Variants in BTD observed in about 807,000 individuals in gnomAD.
BTD encodes the protein biotinidase.
A neutral mutation model predicts 17.7 loss-of-function variants in BTD; 13 were observed. The ratio of observed to expected loss-of-function variants is 0.74; its 90% CI spans 0.48 to 1.17. The LOEUF is 1.17. Among genes scored for constraint, BTD ranks in the 50% most tolerant of loss-of-function variants. The pLI is 0.00. For synonymous variants in BTD, 240 were observed against 245.2 expected, an observed-to-expected ratio of 0.98 and a Z score of 0.20; for missense variants, 674 against 650.4, an observed-to-expected ratio of 1.04 and a Z score of -0.39.
At chr3:15,639,012 A>G (rs1357526519) in intron 2 of BTD, among the ~76,000 whole-genome samples, 1 of 152,200 alleles carries the variant, frequency 6.6e-6, no homozygotes, top group Non-Finnish European at 1.5e-5. Context: ...AGGGGCATTC[A>G]TAGGGGAAAA....
exon 4 of BTD, among the ~76,000 whole-genome samples, chr3:15,711,722 T>A (rs948425254): frequency 2.3e-4 from 35 of 152,054 alleles, no homozygotes; most frequent in Admixed American, 1.8e-3. Flanking sequence ...AGTCTCGCTC[T>A]GTCTCCTAGG....
intron 3 of BTD, chr3:15,707,942 G>A: frequency 6.2e-7 from 1 of 1,613,266 alleles, no homozygotes; most frequent in Non-Finnish European, 8.5e-7. Context: ...TGTGTCTGAT[G>A]TAGCTGCATA....
chr3:15,671,072 A>G (rs952867625), intron 3 of BTD, among the ~76,000 whole-genome samples: 1 of 152,268 alleles, frequency 6.6e-6, no homozygotes, highest in Non-Finnish European at 1.5e-5. Context: ...TATGTGTTGA[A>G]TGAATGACAC....
In BTD at chr3:15,653,248, T is replaced by C. The variant is rs1306140626; in HGVS notation, c.*7760T>C. Among the ~76,000 whole-genome samples, 1 of 152,254 alleles carries C rather than the reference T, an allele frequency of 6.6e-6. No individual in the cohort carries two copies. The highest frequency in any genetic ancestry group is 1.5e-5 in the Non-Finnish European group (1 of 68,044). ...TGTGTTTAACAAGTCCTCCAGGTGA[T>C]TCCGATCCTAATCAAGTGTGAGCCC... On this transcript the variant is annotated 3_prime_UTR_variant, in exon 4 of 4. Transcript: ENST00000643237.
chr3:15,677,647 C>A, intron 3 of BTD: 5 of 1,027,654 alleles, frequency 4.9e-6, no homozygotes, highest in Admixed American at 5.1e-5. Flanking sequence ...AATGAAGATA[C>A]AAAGCAAAAA....
At chr3:15,715,325 C>A (rs894215333), downstream of BTD, among the ~76,000 whole-genome samples, 3 of 152,218 alleles carry the variant, frequency 2.0e-5, no homozygotes, top group African/African-American at 7.2e-5. Context: ...GCTTCCTAAT[C>A]TCACAGCAAC....
chr3:15,710,834 G>C (rs983299439), exon 4 of BTD, among the ~76,000 whole-genome samples: 1 of 151,154 alleles, frequency 6.6e-6, no homozygotes, highest in African/African-American at 2.4e-5. Flanking sequence ...TTTTTTCCTG[G>C]GGGAAAAAAA....
At chr3:15,608,941 T>C (rs930786403) in intron 1 of BTD, among the ~76,000 whole-genome samples, 2 of 152,218 alleles carry the variant, frequency 1.3e-5, no homozygotes, top group African/African-American at 4.8e-5. Flanking sequence ...AGCCCTTTCC[T>C]TTAACTTTTT....
chr3:15,606,394 G>A (rs1190257192), intron 1 of BTD: 1 of 152,208 alleles, frequency 6.6e-6, no homozygotes, highest in African/African-American at 2.4e-5. Context: ...TTAAACATAT[G>A]ATTGCCTGTC....
At chr3:15,694,774 C>G in intron 3 of BTD, 1 of 1,613,512 alleles carries the variant, frequency 6.2e-7, no homozygotes, top group South Asian at 1.1e-5. Flanking sequence ...GCTCTATTAT[C>G]TGAATCACTC....
At chr3:15,621,982 G>A (rs2064963070) in intron 1 of BTD, among the ~76,000 whole-genome samples, 1 of 152,110 alleles carries the variant, frequency 6.6e-6, no homozygotes, top group Non-Finnish European at 1.5e-5. Flanking sequence ...TTCTTTCGGT[G>A]TCCATGGGAT....
At chr3:15,688,827 C>T (rs187821779) in intron 3 of BTD, among the ~76,000 whole-genome samples, 32 of 152,302 alleles carry the variant, frequency 2.1e-4, no homozygotes, top group Admixed American at 3.3e-4. Context: ...CATAATATCA[C>T]AATATGGAAT....
At chr3:15,691,344 C>T (rs1390692420) in intron 3 of BTD, among the ~76,000 whole-genome samples, 3 of 151,994 alleles carry the variant, frequency 2.0e-5, no homozygotes, top group African/African-American at 7.2e-5. Flanking sequence ...AGGATGGTCT[C>T]GATCTCTTGA....
intron 1 of BTD, chr3:15,631,442 T>C: frequency 1.3e-6 from 2 of 1,534,734 alleles, no homozygotes; most frequent in East Asian, 4.9e-5. Context: ...ACTATTGTAA[T>C]AGCATGGCTA....
downstream of BTD, among the ~76,000 whole-genome samples, chr3:15,716,282 T>C (rs933314837): frequency 1.3e-4 from 16 of 122,994 alleles, no homozygotes; most frequent in South Asian, 3.1e-3. Flanking sequence ...GCACCTGGAC[T>C]TTTTTTTTTT....
At chr3:15,708,372 G>A (rs2071752226) in intron 3 of BTD, among the ~76,000 whole-genome samples, 1 of 152,066 alleles carries the variant, frequency 6.6e-6, no homozygotes, top group Non-Finnish European at 1.5e-5. Flanking sequence ...GCTCAGAAAT[G>A]TGAAAACTTT....
At chr3:15,626,942 A>G (rs1465357060) in intron 1 of BTD, among the ~76,000 whole-genome samples, 7 of 152,172 alleles carry the variant, frequency 4.6e-5, no homozygotes, top group Admixed American at 4.6e-4. Flanking sequence ...TCAGAGGAAA[A>G]AAGGCATGCA....
Position 15,635,727 on chromosome 3 carries a change from G to A in BTD, c.249+39G>A. 1 of 1,613,352 alleles carries A rather than the reference G, an allele frequency of 6.2e-7. No homozygotes were observed. Among genetic ancestry groups the A allele is most frequent in the African/African-American group, 1.3e-5 (1 of 75,010 alleles). ...TCGGAACCTGAGTTTCTCTCATACA[G>A]AGCAGATTGCTCTTTACCCCTTGAT... On this transcript the variant is annotated intron_variant, in intron 2 of 3. Coordinates refer to ENST00000643237, the MANE Select transcript of BTD (RefSeq NM_001370658.1). This position sits in a 1 kb window ranked among gnomAD's most constrained non-coding sequence, Gnocchi z 4.1.
intron 3 of BTD, chr3:15,642,343 C>T (rs1484513418): frequency 7.8e-6 from 9 of 1,148,542 alleles, no homozygotes; most frequent in Admixed American, 3.0e-5. Flanking sequence ...AGTTCATCTT[C>T]ACCACAGCCT....
Sources: allele counts gnomAD v4.1 joint callset (sites outside exome capture counted in the v4.1 genomes callset), GRCh38; gene constraint gnomAD v4.1.1; non-coding constraint Gnocchi (gnomAD v3.1); transcripts MANE v1.5; gene names NCBI Gene and HGNC (gene_info 2026-07-23, HGNC 2026-07-21).